HCN4: variants seen among roughly 807,000 people sequenced by gnomAD.
HCN4 encodes hyperpolarization activated cyclic nucleotide gated potassium channel 4.
HCN4 carries 29 observed loss-of-function variants against 76.9 expected under a neutral mutation model. The observed-to-expected ratio is 0.38, with a 90% CI of 0.28 to 0.51. The LOEUF (loss-of-function observed/expected upper bound fraction) is 0.51, where lower values mean the gene tolerates loss of function less well. Among genes scored for constraint, HCN4 ranks in the 20% least tolerant of loss-of-function variants. The pLI is 0.90. For synonymous variants in HCN4, 772 were observed against 762.5 expected, an observed-to-expected ratio of 1.01 and a Z score of -0.21; for missense variants, 1,416 against 1,715.2, an observed-to-expected ratio of 0.83 and a Z score of 3.08.
intron 2 of HCN4, among the ~76,000 whole-genome samples, chr15:73,332,560 G>C (rs1018636044): frequency 6.6e-6 from 1 of 152,198 alleles, no homozygotes; most frequent in Non-Finnish European, 1.5e-5. Context: ...AGCCATCCAG[G>C]ACATGTGGAA....
intron 2 of HCN4, among the ~76,000 whole-genome samples, chr15:73,339,179 C>T (rs193239260): frequency 1.3e-5 from 2 of 152,320 alleles, no homozygotes; most frequent in African/African-American, 2.4e-5. Context: ...GCCTCCATGC[C>T]TGGAACAAGC....
Position 73,324,215 on chromosome 15 carries a change from C to A in HCN4, c.2017G>T (p.Val673Leu). The change falls in exon 7 of 8, where the codon GTG (valine) becomes TTG (leucine). Residue 673 changes from valine to leucine, a missense_variant. Val to Leu is a conservative substitution (Grantham distance 32, BLOSUM62 1). This residue lies in a region of HCN4 where 241 missense variants were observed against 379.4 expected (regional missense o/e 0.64). Transcript: ENST00000261917. Reference sequence around the variant, plus strand: ...AGGCGGCAGTAGGTGTCGGCCCTCACGCTGGCTGTGCGCCGGCCCCGGGTC... The same window carrying A: ...AGGCGGCAGTAGGTGTCGGCCCTCAAGCTGGCTGTGCGCCGGCCCCGGGTC... Reference protein sequence around the residue: ...LLTRGRRTASVRADTYCRLYS... With the variant: ...LLTRGRRTASLRADTYCRLYS... 1 of 1,614,064 alleles carries A rather than the reference C, an allele frequency of 6.2e-7. No individual in the cohort carries two copies. The highest frequency in any genetic ancestry group is 8.5e-7 in the Non-Finnish European group (1 of 1,179,976).
chr15:73,349,604 T>G (rs2043044425), intron 1 of HCN4, among the ~76,000 whole-genome samples: 1 of 152,084 alleles, frequency 6.6e-6, no homozygotes, highest in Non-Finnish European at 1.5e-5. Flanking sequence ...TGTGCTCTCT[T>G]CCATGGCACC....
At chr15:73,342,771 C>A (rs143200044) in intron 2 of HCN4, among the ~76,000 whole-genome samples, 3 of 152,232 alleles carry the variant, frequency 2.0e-5, no homozygotes, top group African/African-American at 7.2e-5. Flanking sequence ...GAGTTGCCAA[C>A]AAAATTTGTA....
intron 1 of HCN4, among the ~76,000 whole-genome samples, chr15:73,353,133 T>G (rs1388305816): frequency 6.6e-6 from 1 of 152,170 alleles, no homozygotes; most frequent in Non-Finnish European, 1.5e-5. Context: ...TCATTAACAT[T>G]GATGATTTCT....
At chr15:73,354,616 AAATCACTTAAC>A (rs2043069479) in intron 1 of HCN4, among the ~76,000 whole-genome samples, 1 of 152,246 alleles carries the variant, frequency 6.6e-6, no homozygotes, top group Non-Finnish European at 1.5e-5. Flanking sequence ...GGCCTTGGGC[AAATCACTTAAC>A]CTCTCTGAGC....
chr15:73,344,216 G>A (rs2043020365), intron 1 of HCN4, among the ~76,000 whole-genome samples: 1 of 152,188 alleles, frequency 6.6e-6, no homozygotes, highest in South Asian at 2.1e-4. Context: ...CTGAGGGTCA[G>A]CTGTGGCTTG....
At chr15:73,365,345 C>T (rs2043123664) in intron 1 of HCN4, among the ~76,000 whole-genome samples, 2 of 152,198 alleles carry the variant, frequency 1.3e-5, no homozygotes, top group Admixed American at 1.3e-4. Flanking sequence ...CAAGGCTGTG[C>T]AAAGAGGACG....
Position 73,324,728 on chromosome 15 carries a change from C to A in HCN4, c.1978+227G>T, listed in dbSNP as rs143802986. On this transcript the variant is annotated intron_variant, in intron 6 of 7. Transcript: ENST00000261917. ...GGCCCCCTCAGCTCAGATGGCCAGC[C>A]TCCAGAACCATGACACATACATTTC... is the stretch of plus-strand genomic sequence containing the variant. Among the ~76,000 whole-genome samples the A allele has an allele frequency of 1.3e-3, 197 of 152,320 alleles. 1 individual carries two copies. The highest frequency in any genetic ancestry group is 4.6e-3 in the African/African-American group (191 of 41,568).
rs1357164386 is a variant in HCN4, at chr15:73,320,781, C to T, written c.*1700G>A. 1 of 152,352 alleles carries T rather than the reference C, an allele frequency of 6.6e-6. No individual in the cohort carries two copies. Among genetic ancestry groups the T allele is most frequent in the Non-Finnish European group, 1.5e-5 (1 of 68,124 alleles). 9.4% of individuals were successfully genotyped at this position (152,352 alleles called of 1,614,324 possible). On this transcript the variant is annotated 3_prime_UTR_variant, in exon 8 of 8. Coordinates refer to ENST00000261917, the MANE Select transcript of HCN4 (RefSeq NM_005477.3). ...CACATCCACCTCAGGAATCTCCCCA[C>T]CATACACTCCATCCCACCCACCATT...
At chr15:73,347,421 C>T (rs2043034443) in intron 1 of HCN4, among the ~76,000 whole-genome samples, 1 of 152,142 alleles carries the variant, frequency 6.6e-6, no homozygotes, top group Non-Finnish European at 1.5e-5. Context: ...GCAGGTGTGG[C>T]CCCTGCCCCA....
At chr15:73,330,322 AC>A in intron 3 of HCN4, among the ~76,000 whole-genome samples, 1 of 151,660 alleles carries the variant, frequency 6.6e-6, no homozygotes, top group Non-Finnish European at 1.5e-5. Flanking sequence ...TCCTGCATGA[AC>A]CCTGCCCGCC....
intron 4 of HCN4, among the ~76,000 whole-genome samples, chr15:73,327,111 T>G (rs1595821851): frequency 6.7e-6 from 1 of 148,408 alleles, no homozygotes; most frequent in Non-Finnish European, 1.5e-5. Context: ...TCTTTTTCTT[T>G]TTTTTTTTTT....
Position 73,343,531 on chromosome 15 carries a change from T to C in HCN4, c.1063A>G (p.Ile355Val), listed in dbSNP as rs772092664. 1 of 1,614,180 alleles carries C rather than the reference T, an allele frequency of 6.2e-7. No individual in the cohort carries two copies. Among genetic ancestry groups the C allele is most frequent in the Admixed American group, 1.7e-5 (1 of 60,026 alleles). ...ATGCGTGTCTCCACAATGAGGAAGATGTAGTCCACGGGGATGGAGGAAATG... is the reference window on the plus strand; with the variant it reads ...ATGCGTGTCTCCACAATGAGGAAGACGTAGTCCACGGGGATGGAGGAAATG... ...DFISSIPVDY[I>V]FLIVETRIDS... The change falls in exon 2 of 8, where the codon ATC becomes GTC. Residue 355 changes from isoleucine to valine, a missense_variant. Physicochemically the swap from Ile to Val is conservative, Grantham distance 29 (BLOSUM62 3). Transcript: ENST00000261917. The surrounding 1 kb of genome is among the most constrained non-coding windows in gnomAD (Gnocchi z 5.7).
intron 2 of HCN4, among the ~76,000 whole-genome samples, chr15:73,340,447 T>C (rs2042994378): frequency 6.6e-6 from 1 of 152,074 alleles, no homozygotes; most frequent in South Asian, 2.1e-4. Flanking sequence ...TTTCTCAGGG[T>C]CTGAGGGAGC....
At position 73,325,573 on chromosome 15, in the gene HCN4, G is replaced by A; in HGVS notation, c.1591-129C>T. 1 of 902,324 alleles carries A rather than the reference G, an allele frequency of 1.1e-6. No homozygotes were observed. The highest frequency in any genetic ancestry group is 1.8e-6 in the Non-Finnish European group (1 of 547,888). 55.9% of individuals were successfully genotyped at this position (902,324 alleles called of 1,614,324 possible). Reference sequence around the variant, plus strand: ...ATTTCCTGGCTAAACTTGGTTCCTTGAGATCTGAGGTCTACAGTGTGGAAA... The same window carrying A: ...ATTTCCTGGCTAAACTTGGTTCCTTAAGATCTGAGGTCTACAGTGTGGAAA... On this transcript the variant is annotated intron_variant, in intron 4 of 7. Coordinates refer to ENST00000261917, the MANE Select transcript of HCN4 (RefSeq NM_005477.3). This position sits in a 1 kb window ranked among gnomAD's most constrained non-coding sequence, Gnocchi z 7.4.
chr15:73,368,194 A>T lies in HCN4; in HGVS notation c.77T>A (p.Met26Lys). Residue 26 changes from methionine (M) to lysine (K), a missense_variant, in exon 1 of 8, where the codon ATG becomes AAG. Around this residue, in one of 6 missense-constraint regions of HCN4, gnomAD observed 355 missense variants for 347.8 expected, o/e 1.02. Transcript: ENST00000261917. This position sits in a 1 kb window ranked among gnomAD's most constrained non-coding sequence, Gnocchi z 6.9. ...PQQVGAKAWIMDEEEDAEEEG... is the reference protein window; with the variant it reads ...PQQVGAKAWIKDEEEDAEEEG... ...CTCCTCGGCGTCCTCTTCCTCGTCC[A>T]TGATCCACGCCTTGGCCCCCACCTG... 1 of 1,533,942 alleles carries T rather than the reference A, an allele frequency of 6.5e-7. No homozygotes were observed. Among genetic ancestry groups the T allele is most frequent in the Non-Finnish European group, 8.8e-7 (1 of 1,141,832 alleles).
chr15:73,337,104 A>G (rs897229248), intron 2 of HCN4, among the ~76,000 whole-genome samples: 2 of 151,956 alleles, frequency 1.3e-5, no homozygotes, highest in Non-Finnish European at 2.9e-5. Context: ...CCTTCTTGTC[A>G]TCCTGTCTTG....
intron 1 of HCN4, among the ~76,000 whole-genome samples, chr15:73,363,902 C>T (rs1019711107): frequency 3.3e-5 from 5 of 152,142 alleles, no homozygotes; most frequent in African/African-American, 1.2e-4. Flanking sequence ...AGGCTCATAA[C>T]CCACACAGGG....
Sources: allele counts gnomAD v4.1 joint callset (sites outside exome capture counted in the v4.1 genomes callset), GRCh38; gene constraint gnomAD v4.1.1; regional missense constraint gnomAD v4.1.1; non-coding constraint Gnocchi (gnomAD v3.1); transcripts MANE v1.5; gene names NCBI Gene and HGNC (gene_info 2026-07-23, HGNC 2026-07-21).